SSBP2: variants seen among roughly 807,000 people sequenced by gnomAD.
SSBP2 encodes single-stranded DNA-binding protein 2.
A neutral mutation model predicts 61.8 loss-of-function variants in SSBP2; 17 were observed. The ratio of observed to expected loss-of-function variants is 0.28; its 90% CI spans 0.19 to 0.41. The LOEUF (loss-of-function observed/expected upper bound fraction) is 0.41, where lower values mean the gene tolerates loss of function less well. Ranked by LOEUF, SSBP2 falls within the 10% of genes least tolerant of loss-of-function variation. The probability of loss-of-function intolerance (pLI) is 1.00; values close to 1 mark genes in which losing one functional copy is unlikely to be tolerated. For missense variants in SSBP2, 310 were observed against 458.7 expected (o/e 0.68, Z 2.96); for synonymous variants, 139 against 141.3 (o/e 0.98, Z 0.12).
At chr5:81,673,187 C>T (rs1751717156) in intron 1 of SSBP2, among the ~76,000 whole-genome samples, 1 of 152,132 alleles carries the variant, frequency 6.6e-6, no homozygotes, top group Non-Finnish European at 1.5e-5. Flanking sequence ...ATTTAGCACC[C>T]ATGGGTGACC....
At chr5:81,501,254 TATATATATATATATACAC>T (rs1460581496) in intron 5 of SSBP2, among the ~76,000 whole-genome samples, 927 of 55,506 alleles carry the variant, frequency 0.017, 120 homozygotes, top group African/African-American at 0.06. Flanking sequence ...TATATATATA[TATATATATATATATACAC>T]ACACACACAC....
At chr5:81,584,212 T>C (rs1285747756) in intron 4 of SSBP2, among the ~76,000 whole-genome samples, 1 of 152,166 alleles carries the variant, frequency 6.6e-6, no homozygotes, top group Non-Finnish European at 1.5e-5. Flanking sequence ...TTCGTCTAGA[T>C]GTTTTCCAAG....
intron 1 of SSBP2, among the ~76,000 whole-genome samples, chr5:81,718,543 C>T (rs956507282): frequency 2.0e-5 from 3 of 152,142 alleles, no homozygotes; most frequent in South Asian, 2.1e-4. Flanking sequence ...AACATCCCTA[C>T]ATTCAAAGGA....
rs79150172 is a variant in SSBP2 at position 81,449,607 on chromosome 5, G to A, written c.688-782C>T. On this transcript the variant is annotated intron_variant, in intron 10 of 16. Transcript: ENST00000320672. ...CCTTTACAGTAGTGAAAAGATAAGT[G>A]CTTGTACTATTCTAAACCATCTATC... 3.5e-3 allele frequency among the ~76,000 whole-genome samples: 528 copies of A among 152,234 alleles called. 2 individuals are homozygous for A. Among genetic ancestry groups the A allele is most frequent in the African/African-American group, 0.012 (498 of 41,524 alleles).
rs187353712 is a variant in SSBP2 at position 81,541,328 on chromosome 5, A to G, written c.283-27611T>C. On this transcript the variant is annotated intron_variant, in intron 4 of 16. Coordinates refer to ENST00000320672, the MANE Select transcript of SSBP2 (RefSeq NM_012446.5). ...ACAGATTGGAAGAATCAATATTATTAAAATGGCGATACTGCCTAAGGCACT... is the reference window on the plus strand; with the variant it reads ...ACAGATTGGAAGAATCAATATTATTGAAATGGCGATACTGCCTAAGGCACT... Among the ~76,000 whole-genome samples, 3 of 152,326 alleles carry G rather than the reference A, an allele frequency of 2.0e-5. No homozygotes were observed. In the East Asian group the frequency reaches 5.8e-4, roughly 29 times the overall value.
At chr5:81,439,244 A>ATG (rs1207415070) in intron 14 of SSBP2, among the ~76,000 whole-genome samples, 1 of 152,148 alleles carries the variant, frequency 6.6e-6, no homozygotes, top group Non-Finnish European at 1.5e-5. Context: ...GAAAAAAAAA[A>ATG]TCATAACTCC....
intron 1 of SSBP2, among the ~76,000 whole-genome samples, chr5:81,714,876 T>C (rs1343813195): frequency 6.6e-6 from 1 of 152,136 alleles, no homozygotes; most frequent in Admixed American, 6.5e-5. Flanking sequence ...AAAGCCAAAA[T>C]TGACAAATGG....
At chr5:81,583,194 G>T (rs1219749915) in intron 4 of SSBP2, among the ~76,000 whole-genome samples, 3 of 152,160 alleles carry the variant, frequency 2.0e-5, no homozygotes, top group African/African-American at 7.2e-5. Flanking sequence ...TCCAATGTGG[G>T]TGATCCTGAG....
chr5:81,723,921 T>C (rs1371043286), intron 1 of SSBP2, among the ~76,000 whole-genome samples: 1 of 152,010 alleles, frequency 6.6e-6, no homozygotes, highest in Admixed American at 6.6e-5. Context: ...CTATCTTCTG[T>C]CTTTTCTATG....
Position 81,537,827 on chromosome 5 carries a change from T to C in SSBP2, c.283-24110A>G, listed in dbSNP as rs760076849. ...TGTCCCTCTCCTCAGGCTTCCCTAT[T>C]CCCTGAGACACAACAATATTGAAAT... On this transcript the variant is annotated intron_variant, in intron 4 of 16. Transcript: ENST00000320672. Among the ~76,000 whole-genome samples the C allele has an allele frequency of 2.6e-5, 4 of 152,216 alleles. 1 individual carries two copies. The highest frequency in any genetic ancestry group is 4.2e-4 in the South Asian group (2 of 4,816).
At chr5:81,444,148 G>A (rs1421780168) in intron 12 of SSBP2, among the ~76,000 whole-genome samples, 1 of 152,114 alleles carries the variant, frequency 6.6e-6, no homozygotes, top group Non-Finnish European at 1.5e-5. Context: ...TGTTGAAAAA[G>A]TTGGAGTGCC....
intron 1 of SSBP2, among the ~76,000 whole-genome samples, chr5:81,664,385 C>T (rs949537033): frequency 6.6e-6 from 1 of 152,130 alleles, no homozygotes; most frequent in Non-Finnish European, 1.5e-5. Flanking sequence ...CCGCCTTGGC[C>T]TCCCAAAGTG....
In SSBP2 at chr5:81,548,546, G is replaced by A. The variant is rs137961613; in HGVS notation, c.283-34829C>T. Among the ~76,000 whole-genome samples the A allele has an allele frequency of 2.1e-3, 324 of 152,220 alleles. 1 individual carries two copies. Among genetic ancestry groups the A allele is most frequent in the African/African-American group, 7.4e-3 (306 of 41,530 alleles). On this transcript the variant is annotated intron_variant, in intron 4 of 16. Transcript: ENST00000320672. ...GCCCAAGTAGTACTTCATGACATTTGTATGTATTAAAGTGAAATGACTCAA... is the reference window on the plus strand; with the variant it reads ...GCCCAAGTAGTACTTCATGACATTTATATGTATTAAAGTGAAATGACTCAA...
intron 16 of SSBP2, among the ~76,000 whole-genome samples, chr5:81,425,638 C>T (rs1422892775): frequency 2.0e-5 from 3 of 151,680 alleles, no homozygotes; most frequent in African/African-American, 7.3e-5. Flanking sequence ...TTTTTGTAGT[C>T]TATACTTTCC....
At chr5:81,675,969 C>T (rs1039457870) in intron 1 of SSBP2, among the ~76,000 whole-genome samples, 4 of 152,134 alleles carry the variant, frequency 2.6e-5, no homozygotes, top group African/African-American at 7.2e-5. Context: ...CAATAGAAAA[C>T]AGCCAATCTT....
intron 1 of SSBP2, among the ~76,000 whole-genome samples, chr5:81,661,561 C>A (rs998098171): frequency 6.6e-6 from 1 of 151,772 alleles, no homozygotes; most frequent in Non-Finnish European, 1.5e-5. Context: ...TCAAGTGATA[C>A]CTCATTTTGG....
intron 5 of SSBP2, among the ~76,000 whole-genome samples, chr5:81,489,736 A>C (rs966951351): frequency 6.6e-5 from 10 of 152,238 alleles, no homozygotes; most frequent in African/African-American, 2.4e-4. Context: ...TCCTTTAATA[A>C]TTTTAAAATT....
At chr5:81,696,354 G>C (rs765101744) in intron 1 of SSBP2, among the ~76,000 whole-genome samples, 1 of 152,124 alleles carries the variant, frequency 6.6e-6, no homozygotes, top group Non-Finnish European at 1.5e-5. Context: ...TCCTGTCACA[G>C]ATGCAGAGGA....
intron 4 of SSBP2, among the ~76,000 whole-genome samples, chr5:81,580,916 G>T (rs1774593026): frequency 6.6e-6 from 1 of 152,022 alleles, no homozygotes; most frequent in Non-Finnish European, 1.5e-5. Flanking sequence ...ATATAATTAT[G>T]TTCATTATGG....
Sources: allele counts gnomAD v4.1 joint callset (sites outside exome capture counted in the v4.1 genomes callset), GRCh38; gene constraint gnomAD v4.1.1; transcripts MANE v1.5; gene names NCBI Gene and HGNC (gene_info 2026-07-23, HGNC 2026-07-21).